IRAG2: variants seen among roughly 807,000 people sequenced by gnomAD.
IRAG2 encodes the protein inositol 1,4,5-triphosphate receptor associated 2.
A neutral mutation model predicts 69.9 loss-of-function variants in IRAG2; 45 were observed. The observed-to-expected ratio is 0.64, with a 90% CI of 0.51 to 0.83. IRAG2 has a LOEUF of 0.83. Ranked by LOEUF, IRAG2 falls within the 40% of genes least tolerant of loss-of-function variation. The pLI is 0.00. For synonymous variants in IRAG2, 193 were observed against 202.4 expected (o/e 0.95, Z 0.40); for missense variants, 520 against 587.0 (o/e 0.89, Z 1.18).
intron 7 of IRAG2, among the ~76,000 whole-genome samples, chr12:25,023,022 A>C (rs964639526): frequency 1.1e-4 from 16 of 151,408 alleles, no homozygotes; most frequent in Non-Finnish European, 1.9e-4. Flanking sequence ...GCTACTCGGG[A>C]GGCTGAGGCA....
chr12:25,105,155 C>T (rs182469114), intron 20 of IRAG2, among the ~76,000 whole-genome samples: 113 of 145,934 alleles, frequency 7.7e-4, no homozygotes, highest in African/African-American at 2.8e-3. Flanking sequence ...TAGCTCACTG[C>T]AACCTCCACC....
intron 15 of IRAG2, among the ~76,000 whole-genome samples, chr12:25,037,521 A>T (rs1193202672): frequency 6.6e-6 from 1 of 151,946 alleles, no homozygotes; most frequent in African/African-American, 2.4e-5. Context: ...CTGATCTCAA[A>T]CTCCTGACTT....
chr12:25,059,197 C>T (rs994515895), intron 1 of IRAG2, among the ~76,000 whole-genome samples: 2 of 152,096 alleles, frequency 1.3e-5, no homozygotes, highest in South Asian at 4.1e-4. Flanking sequence ...CTTCTTATTG[C>T]TTTGGTTGCT....
intron 18 of IRAG2, 32 bp downstream of exon 18, chr12:25,103,931 G>A (rs1169247360): frequency 3.7e-6 from 6 of 1,604,208 alleles, no homozygotes; most frequent in Middle Eastern, 1.7e-4. Context: ...CTTAGTCAAA[G>A]GTAAATTCAT....
intron 1 of IRAG2, among the ~76,000 whole-genome samples, chr12:25,054,957 T>C (rs2139910151): frequency 6.6e-6 from 1 of 152,356 alleles, no homozygotes; most frequent in East Asian, 1.9e-4. Context: ...CCATGACCAC[T>C]GCCACCCCAT....
At position 25,032,097 on chromosome 12, in the gene IRAG2, G is replaced by A. The variant is rs183893436; in HGVS notation, c.1519-45G>A. On this transcript the variant is annotated intron_variant, in intron 10 of 38. Coordinates refer to the IRAG2 transcript ENST00000636465. The stretch of plus-strand genomic sequence containing the variant: ...AATAGTCTAATATATATGATTTGGT[G>A]GACCCATTACTTTTTTGCTATTATT... 10 of 398,434 alleles carry A rather than the reference G, an allele frequency of 2.5e-5. No individual in the cohort carries two copies. In the Admixed American group the frequency reaches 2.6e-4, roughly 11 times the overall value. 24.7% of individuals were successfully genotyped at this position (398,434 alleles called of 1,614,324 possible).
intron 6 of IRAG2, among the ~76,000 whole-genome samples, chr12:25,077,244 T>TATATATATGAAATATATATGATATATATG (rs1565562576): frequency 1.6e-5 from 1 of 63,896 alleles, no homozygotes; most frequent in African/African-American, 5.2e-5. Flanking sequence ...ATATATGAAA[T>TATATATATGAAATATATATGATATATATG]ATATATATGA....
chr12:25,008,564 C>T (rs1944450255), intron 2 of IRAG2, among the ~76,000 whole-genome samples: 1 of 152,080 alleles, frequency 6.6e-6, no homozygotes, highest in South Asian at 2.1e-4. Flanking sequence ...CATGGTGAAA[C>T]CCCACCTCTA....
intron 6 of IRAG2, among the ~76,000 whole-genome samples, chr12:25,019,133 C>A (rs939122068): frequency 2.0e-5 from 3 of 152,172 alleles, no homozygotes; most frequent in Non-Finnish European, 4.4e-5. Flanking sequence ...CCAGGAGGAA[C>A]AAACCCCATA....
chr12:25,044,372 C>T (rs1394122157), intron 16 of IRAG2, among the ~76,000 whole-genome samples: 3 of 150,644 alleles, frequency 2.0e-5, no homozygotes, highest in African/African-American at 7.4e-5. Context: ...AAAATAACTA[C>T]AAGACAGACA....
intron 9 of IRAG2, among the ~76,000 whole-genome samples, chr12:25,080,477 G>A (rs767761063): frequency 6.6e-6 from 1 of 151,068 alleles, no homozygotes; most frequent in African/African-American, 2.4e-5. Context: ...TCAGCCTCCC[G>A]AGTAGCTGGG....
chr12:25,012,828 A>C (rs1485840973), intron 3 of IRAG2, among the ~76,000 whole-genome samples: 2 of 152,198 alleles, frequency 1.3e-5, no homozygotes, highest in African/African-American at 4.8e-5. Flanking sequence ...CGTCTCAAAA[A>C]GAGAGAAAAT....
At chr12:25,077,374 T>TATATATATGATATATATATATGAA in intron 6 of IRAG2, among the ~76,000 whole-genome samples, 1 of 61,650 alleles carries the variant, frequency 1.6e-5, no homozygotes, top group East Asian at 4.2e-4. Context: ...ATATATGAAA[T>TATATATATGATATATATATATGAA]ATATATATGA....
the IRAG2 span, among the ~76,000 whole-genome samples, chr12:24,998,873 A>G: frequency 6.0e-5 from 9 of 150,722 alleles, no homozygotes. Context: ...GGAGGAAAAC[A>G]TTTTAAAGGA....
upstream of IRAG2, among the ~76,000 whole-genome samples, chr12:25,002,308 G>T (rs1301457103): frequency 2.0e-5 from 3 of 152,280 alleles, no homozygotes; most frequent in Admixed American, 1.3e-4. Context: ...GCAGCTGGGG[G>T]ATAAGTCCAT....
intron 11 of IRAG2, among the ~76,000 whole-genome samples, chr12:25,089,265 AAAG>A (rs1947860207): frequency 6.6e-6 from 1 of 152,216 alleles, no homozygotes; most frequent in Non-Finnish European, 1.5e-5. Flanking sequence ...GCCTTGATCC[AAAG>A]AAGAACCAGG....
At chr12:25,088,524 G>A (rs1207871884) in intron 11 of IRAG2, among the ~76,000 whole-genome samples, 2 of 152,118 alleles carry the variant, frequency 1.3e-5, no homozygotes, top group Non-Finnish European at 2.9e-5. Flanking sequence ...ACCTCCATTG[G>A]GATGGAATAG....
chr12:25,023,233 C>T (rs1944596895), intron 7 of IRAG2, among the ~76,000 whole-genome samples: 1 of 151,486 alleles, frequency 6.6e-6, no homozygotes, highest in South Asian at 2.1e-4. Context: ...TCAATGAAAT[C>T]CTAGCTTGAG....
chr12:25,053,094 T>C (rs1944955632), intron 1 of IRAG2, 138 bp downstream of exon 1: 3 of 395,334 alleles, frequency 7.6e-6, no homozygotes. Flanking sequence ...GAAGGCAATA[T>C]TGTGGGGCTT....
Sources: allele counts gnomAD v4.1 joint callset (sites outside exome capture counted in the v4.1 genomes callset), GRCh38; gene constraint gnomAD v4.1.1; transcripts MANE v1.5; gene names NCBI Gene and HGNC (gene_info 2026-07-23, HGNC 2026-07-21).